MYOM2: variants seen among roughly 807,000 people sequenced by gnomAD.
The protein encoded by MYOM2 is myomesin 2, also known as myomesin-2.
A neutral mutation model predicts 187.6 loss-of-function variants in MYOM2; 254 were observed. The observed-to-expected ratio is 1.35, with a 90% CI of 1.22 to 1.50. The LOEUF (loss-of-function observed/expected upper bound fraction) is 1.50, where lower values mean the gene tolerates loss of function less well. Ranked by LOEUF, MYOM2 falls within the 40% of genes most tolerant of loss-of-function variation. The pLI is 0.00. For missense variants in MYOM2, 2,796 were observed against 1,924.0 expected, an observed-to-expected ratio of 1.45 and a Z score of -8.48; for synonymous variants, 981 against 753.8, an observed-to-expected ratio of 1.30 and a Z score of -4.94.
chr8:2,102,787 G>A lies in MYOM2; in HGVS notation c.2734+6G>A, dbSNP rs774366302. The A allele has an allele frequency of 1.9e-6, 3 of 1,607,332 alleles. No individual in the cohort carries two copies. The African/African-American group carries it at 4.0e-5, about 21-fold the overall frequency. ...GCTGGTAGAGGCGAGACCAGGTAAGGCTTACAACAAAAACTACAAAACAGC... is the reference window on the plus strand; with the variant it reads ...GCTGGTAGAGGCGAGACCAGGTAAGACTTACAACAAAAACTACAAAACAGC... On this transcript the variant is annotated splice_donor_region_variant and intron_variant, in intron 21 of 36. Transcript: ENST00000262113.
At position 2,123,613 on chromosome 8, in the gene MYOM2, A is replaced by G; in HGVS notation, c.3626A>G (p.Asp1209Gly). ...ACCTTGAAAGATGACAGAGGCCAAG[A>G]TGTGTCCATCCTTGAAATAGCTGGC... ...KATLKDDRGQ[D>G]VSILEIAGKV... The change falls in exon 30 of 37, where the codon GAT becomes GGT. Residue 1209 changes from aspartate to glycine, a missense_variant. Transcript: ENST00000262113. 1 of 1,614,234 alleles carries G rather than the reference A, an allele frequency of 6.2e-7. No homozygotes were observed. Among genetic ancestry groups the G allele is most frequent in the East Asian group, 2.2e-5 (1 of 44,880 alleles).
In MYOM2 at chr8:2,079,595, T is replaced by G. The variant is rs542234367; in HGVS notation, c.1498T>G (p.Tyr500Asp). ...GGAGGGAGAGAAGGAGATTGCCATT[T>G]ATCAGGATGACCTTGAAGGTAAGTA... ...HLEGEKEIAI[Y>D]QDDLEGDAQV... is the part of the protein sequence containing the mutation. Residue 500 changes from tyrosine to aspartate, a missense_variant, in exon 13 of 37, where the codon TAT (tyrosine) becomes GAT (aspartate). Coordinates refer to ENST00000262113, the MANE Select transcript of MYOM2 (RefSeq NM_003970.4). 3 of 1,614,172 alleles carry G rather than the reference T, an allele frequency of 1.9e-6. No homozygotes were observed. Among genetic ancestry groups the G allele is most frequent in the Non-Finnish European group, 2.5e-6 (3 of 1,180,028 alleles).
At chr8:2,091,285 C>T (rs1018385850) in intron 15 of MYOM2, among the ~76,000 whole-genome samples, 6 of 152,080 alleles carry the variant, frequency 3.9e-5, no homozygotes, top group Non-Finnish European at 7.4e-5. Context: ...CTCAAGGGAT[C>T]CTCCCACCTT....
rs150107035 is a variant in MYOM2, at chr8:2,130,764, C to G, written c.3800+1532C>G. On this transcript the variant is annotated intron_variant, in intron 32 of 36. Transcript: ENST00000262113. ...TAGGAAAGTGTATTGAAGGCAGGGT[C>G]TTTTTTTAAAGGACTGTGATAACAG... Among the ~76,000 whole-genome samples the G allele has an allele frequency of 4.6e-5, 7 of 152,206 alleles. No homozygotes were observed. In the East Asian group the frequency reaches 1.4e-3, roughly 29 times the overall value.
intron 6 of MYOM2, among the ~76,000 whole-genome samples, chr8:2,064,130 GGCC>G (rs1310544716): frequency 6.6e-6 from 1 of 152,194 alleles, no homozygotes; most frequent in African/African-American, 2.4e-5. Context: ...CCGCGAGAGT[GGCC>G]GCCCTTCCTC....
chr8:2,140,383 G>C lies in MYOM2; in HGVS notation c.3801-340G>C, dbSNP rs1157114598. Among the ~76,000 whole-genome samples the C allele has an allele frequency of 8.8e-5, 4 of 45,232 alleles. No homozygotes were observed. The East Asian group carries it at 2.2e-3, about 25-fold the overall frequency. 29.7% of individuals were successfully genotyped at this position (45,232 alleles called of 152,430 possible). On this transcript the variant is annotated intron_variant, in intron 32 of 36. Coordinates refer to ENST00000262113, the MANE Select transcript of MYOM2 (RefSeq NM_003970.4). ...TCCAAGACCCCGTGTCCAATTCTTCGGATCTACACAAGTAATTGCTGGATC... is the reference window on the plus strand; with the variant it reads ...TCCAAGACCCCGTGTCCAATTCTTCCGATCTACACAAGTAATTGCTGGATC...
chr8:2,056,155 G>A (rs1380112383), intron 3 of MYOM2, among the ~76,000 whole-genome samples: 1 of 152,194 alleles, frequency 6.6e-6, no homozygotes, highest in African/African-American at 2.4e-5. Flanking sequence ...CGATCATAAA[G>A]GCCCTAAGAG....
In MYOM2 at chr8:2,098,980, C is replaced by T; in HGVS notation, c.2437C>T (p.Pro813Ser). 6 of 1,601,806 alleles carry T rather than the reference C, an allele frequency of 3.7e-6. No individual in the cohort carries two copies. The highest frequency in any genetic ancestry group is 1.8e-4 in the Middle Eastern group (1 of 5,694). Residue 813 changes from proline (P) to serine (S), a missense_variant, in exon 19 of 37, where the codon CCC becomes TCC. By Grantham distance (74) the Pro-to-Ser change is moderately conservative. Transcript: ENST00000262113. The part of the protein sequence containing the change: ...FKCEAWTMPE[P>S]GPAYDLTFCE... ...GTGTGAGGCCTGGACCATGCCGGAG[C>T]CCGGTGAGTCGCTGCCCCCAGGACA...
At chr8:2,071,905 C>T (rs1455253542) in intron 8 of MYOM2, among the ~76,000 whole-genome samples, 1 of 152,264 alleles carries the variant, frequency 6.6e-6, no homozygotes, top group East Asian at 1.9e-4. Flanking sequence ...CGCTCATTCT[C>T]CCCTGGGGTC....
Position 2,090,275 on chromosome 8 carries a change from G to C in MYOM2, c.1828+84G>C, listed in dbSNP as rs892976894. 6.0e-6 allele frequency: 8 copies of C among 1,337,244 alleles called. No individual in the cohort carries two copies. The Admixed American group carries it at 1.6e-4, about 27-fold the overall frequency. The allele number at this position is 1,337,244 out of a possible 1,614,324, so 82.8% of individuals were successfully genotyped here. A position where few individuals can be genotyped will look rare whatever the true frequency, so the allele number is the denominator to read the frequency against. ...AATAGCCTTAAATTGTGTGAATAAA[G>C]ACATTAATGTTATAAACGAGTTGAA... On this transcript the variant is annotated intron_variant, in intron 15 of 36. Transcript: ENST00000262113.
At position 2,116,076 on chromosome 8, in the gene MYOM2, T is replaced by A; in HGVS notation, c.3297T>A (p.Ser1099Arg). The A allele has an allele frequency of 6.2e-7, 1 of 1,613,794 alleles. No individual in the cohort carries two copies. Among genetic ancestry groups the A allele is most frequent in the Non-Finnish European group, 8.5e-7 (1 of 1,179,974 alleles). The part of the protein sequence containing the change: ...TVQIHDGKAK[S>R]QSSLVLIGDA... ...AGATTCATGATGGGAAAGCCAAAAG[T>A]CAGTCTTCTCTAGTTCTTATTGGAG... is the stretch of plus-strand genomic sequence containing the variant. Residue 1099 changes from serine (S) to arginine (R), a missense_variant, in exon 26 of 37, where the codon AGT becomes AGA. Ser to Arg is a moderately radical substitution (Grantham distance 110). Transcript: ENST00000262113.
chr8:2,124,331 G>T (rs1044057993), intron 31 of MYOM2, 114 bp downstream of exon 31: 48 of 1,064,822 alleles, frequency 4.5e-5, no homozygotes, highest in Non-Finnish European at 6.7e-5. Context: ...TGCGTGTTCT[G>T]TGGGAGGCCC....
At chr8:2,107,213 G>T (rs1362060124) in intron 23 of MYOM2, among the ~76,000 whole-genome samples, 1 of 152,118 alleles carries the variant, frequency 6.6e-6, no homozygotes, top group Non-Finnish European at 1.5e-5. Flanking sequence ...TATTTGTGTG[G>T]CCCGTCATCT....
At chr8:2,099,007 C>T (rs760785147) in intron 19 of MYOM2, 24 bp downstream of exon 19, 4 of 1,583,368 alleles carry the variant, frequency 2.5e-6, no homozygotes, top group African/African-American at 1.3e-5. Flanking sequence ...CCCAGGACAC[C>T]CGCGTTCCAG....
rs182885181 is a variant in MYOM2 at position 2,136,538 on chromosome 8, G to A, written c.3801-4185G>A. 3.3e-5 allele frequency among the ~76,000 whole-genome samples: 5 copies of A among 152,330 alleles called. No homozygotes were observed. The East Asian group carries it at 7.7e-4, about 24-fold the overall frequency. On this transcript the variant is annotated intron_variant, in intron 32 of 36. Coordinates refer to ENST00000262113, the MANE Select transcript of MYOM2 (RefSeq NM_003970.4). ...CTGTTGTAAAGAATCTCTCGCTGAA[G>A]TAGAGGGTCACTTTTTAAAAGTGAA...
chr8:2,077,102 G>A (rs945547726), intron 11 of MYOM2, among the ~76,000 whole-genome samples: 1 of 152,172 alleles, frequency 6.6e-6, no homozygotes, highest in African/African-American at 2.4e-5. Flanking sequence ...ACAAGTTCAG[G>A]AGATCAAGAG....
At chr8:2,066,221 G>T (rs1585841365) in intron 6 of MYOM2, among the ~76,000 whole-genome samples, 1 of 152,226 alleles carries the variant, frequency 6.6e-6, no homozygotes, top group Non-Finnish European at 1.5e-5. Context: ...CACGGGAACT[G>T]CCCGTGCACC....
At chr8:2,068,202 GA>G (rs1414360128) in intron 6 of MYOM2, among the ~76,000 whole-genome samples, 1 of 150,748 alleles carries the variant, frequency 6.6e-6, no homozygotes, top group African/African-American at 2.4e-5. Flanking sequence ...GCATCCTGGG[GA>G]CAGCTCTTCA....
rs35022521 is a variant in MYOM2, at chr8:2,052,310, G to A, written c.260G>A (p.Ser87Asn). ...GAAGATGAGGAGCAGGAGAACAGAA[G>A]CAGGTGAGCACATGGCTTCCCTGAC... ...TQEDEEQENR[S>N]RYQSLVAAYG... The change falls in exon 3 of 37, where the codon AGC (serine) becomes AAC (asparagine). Residue 87 changes from serine (S) to asparagine (N), a missense_variant. By Grantham distance (46) the Ser-to-Asn change is conservative (BLOSUM62 1). Transcript: ENST00000262113. The A allele has an allele frequency of 7.5e-6, 12 of 1,600,552 alleles. No individual in the cohort carries two copies. In the African/African-American group the frequency reaches 1.2e-4, roughly 16 times the overall value.
Sources: allele counts gnomAD v4.1 joint callset (sites outside exome capture counted in the v4.1 genomes callset), GRCh38; gene constraint gnomAD v4.1.1; transcripts MANE v1.5; gene names NCBI Gene and HGNC (gene_info 2026-07-23, HGNC 2026-07-21).